The following ANKRD36 variants were observed in gnomAD, a reference collection of about 807,000 sequenced individuals.
ANKRD36 encodes the protein ankyrin repeat domain 36, also known as ankyrin repeat domain-containing protein 36A.
ANKRD36 carries 179 observed loss-of-function variants against 278.1 expected under a neutral mutation model. The observed-to-expected ratio is 0.64, with a 90% CI of 0.57 to 0.73. The LOEUF (loss-of-function observed/expected upper bound fraction) is 0.73, where lower values mean the gene tolerates loss of function less well. Ranked by LOEUF, ANKRD36 falls within the 30% of genes least tolerant of loss-of-function variation. The pLI is 0.00. For missense variants in ANKRD36, 1,159 were observed against 1,956.7 expected (o/e 0.59, Z 7.69); for synonymous variants, 320 against 641.1 (o/e 0.50, Z 7.57).
chr2:97,200,769 A>T (rs1262647184), intron 46 of ANKRD36, among the ~76,000 whole-genome samples: 5 of 151,902 alleles, frequency 3.3e-5, no homozygotes, highest in African/African-American at 1.2e-4. Flanking sequence ...AGTTGAAGAC[A>T]TAAGGGGCTC....
intron 52 of ANKRD36, 61 bp from the exon 53 acceptor site, chr2:97,207,750 A>G (rs1309542938): frequency 5.8e-6 from 9 of 1,541,968 alleles, no homozygotes; most frequent in Non-Finnish European, 7.9e-6. Context: ...CACTGTATGA[A>G]TGTATGGATA....
intron 60 of ANKRD36, among the ~76,000 whole-genome samples, chr2:97,214,300 TAA>T (rs201589738): frequency 0.9 from 28,171 of 31,330 alleles, 14,002 homozygotes; most frequent in Middle Eastern, 1. Context: ...ATATCAGACT[TAA>T]ACACGTTTTG....
At chr2:97,194,588 C>G in intron 38 of ANKRD36, 138 bp from the exon 39 acceptor site, 8 of 1,498,440 alleles carry the variant, frequency 5.3e-6, no homozygotes, top group Non-Finnish European at 7.2e-6. Context: ...GTTCTGGTCC[C>G]CAGACAGAAA....
rs545132548 is a variant in ANKRD36, at chr2:97,197,283, G to A, written c.2653+495G>A. Among the ~76,000 whole-genome samples, 7 of 152,024 alleles carry A rather than the reference G, an allele frequency of 4.6e-5. No homozygotes were observed. In the South Asian group the frequency reaches 8.4e-4, roughly 18 times the overall value. ...AAGGTGTGAAAAGAGGAAGTCATTT[G>A]TATAATTTTGGGGTTTCTGCTGAGG... On this transcript the variant is annotated intron_variant, in intron 42 of 75. Coordinates refer to ENST00000420699, the MANE Select transcript of ANKRD36 (RefSeq NM_001354587.1).
chr2:97,140,823 T>A (rs1306026884), intron 6 of ANKRD36, among the ~76,000 whole-genome samples: 1 of 151,910 alleles, frequency 6.6e-6, no homozygotes, highest in Non-Finnish European at 1.5e-5. Context: ...GTTATTAGAT[T>A]TATGAATGAA....
At chr2:97,223,519 G>GA (rs2068391838) in intron 66 of ANKRD36, among the ~76,000 whole-genome samples, 1 of 146,294 alleles carries the variant, frequency 6.8e-6, no homozygotes, top group South Asian at 2.4e-4. Context: ...ACCTAGGAAT[G>GA]AAAAAAATGA....
At chr2:97,158,514 C>T in intron 16 of ANKRD36, 74 bp from the exon 17 acceptor site, 1 of 1,483,242 alleles carries the variant, frequency 6.7e-7, no homozygotes, top group Non-Finnish European at 9.1e-7. Context: ...GCTGTGAGCC[C>T]CCACACCCGG....
At chr2:97,148,276 G>C (rs532530174) in intron 11 of ANKRD36, among the ~76,000 whole-genome samples, 4 of 152,368 alleles carry the variant, frequency 2.6e-5, no homozygotes, top group East Asian at 3.9e-4. Context: ...TGCTTGGGGT[G>C]GATGACTGAG....
Position 97,202,309 on chromosome 2 carries a change from A to T in ANKRD36, c.2887-12A>T. On this transcript the variant is annotated splice_polypyrimidine_tract_variant and intron_variant, in intron 47 of 75. Transcript: ENST00000420699. The stretch of plus-strand genomic sequence containing the variant: ...ATACTTTATTTATTATTTCGTTTTA[A>T]ATTCCATTCAGGGTACAAGTGACGA... The T allele has an allele frequency of 6.3e-7, 1 of 1,584,350 alleles. No homozygotes were observed. Among genetic ancestry groups the T allele is most frequent in the Non-Finnish European group, 8.6e-7 (1 of 1,169,530 alleles).
chr2:97,179,013 G>C (rs1575409925), intron 22 of ANKRD36, among the ~76,000 whole-genome samples: 1 of 151,522 alleles, frequency 6.6e-6, no homozygotes, highest in East Asian at 2.0e-4. Context: ...ACTTTATTTT[G>C]TATAAGTATG....
intron 22 of ANKRD36, among the ~76,000 whole-genome samples, chr2:97,173,332 A>G (rs1409377580): frequency 8.9e-3 from 1,155 of 130,036 alleles, no homozygotes; most frequent in East Asian, 0.017. Context: ...TGCTGAGCCT[A>G]TGATAATAAC....
chr2:97,243,129 GC>G, intron 69 of ANKRD36, among the ~76,000 whole-genome samples: 1 of 139,958 alleles, frequency 7.1e-6, no homozygotes, highest in Non-Finnish European at 1.6e-5. Flanking sequence ...AGTGACCGTG[GC>G]CCCCGACACA....
At chr2:97,220,755 A>ATTTTTTTTTT (rs2067293260) in intron 66 of ANKRD36, among the ~76,000 whole-genome samples, 2 of 66,912 alleles carry the variant, frequency 3.0e-5, no homozygotes, top group African/African-American at 1.9e-4. Context: ...TTTAATTTTT[A>ATTTTTTTTTT]ATTTTCTTTT....
chr2:97,219,557 C>T (rs1474554354), intron 66 of ANKRD36, among the ~76,000 whole-genome samples: 18 of 149,732 alleles, frequency 1.2e-4, no homozygotes, highest in African/African-American at 3.7e-4. Flanking sequence ...TTGTAACTCA[C>T]GACAACCTCC....
intron 22 of ANKRD36, among the ~76,000 whole-genome samples, chr2:97,177,878 G>C (rs1196415517): frequency 6.6e-6 from 1 of 151,686 alleles, no homozygotes. Flanking sequence ...ACTACCATCA[G>C]AGTGAACAGG....
At chr2:97,233,052 A>G (rs1416689773) in intron 67 of ANKRD36, among the ~76,000 whole-genome samples, 1 of 151,828 alleles carries the variant, frequency 6.6e-6, no homozygotes. Flanking sequence ...TGTTACAAAC[A>G]GTACAAAACC....
chr2:97,201,525 T>G (rs2061373288), intron 46 of ANKRD36, among the ~76,000 whole-genome samples: 1 of 151,938 alleles, frequency 6.6e-6, no homozygotes, highest in Non-Finnish European at 1.5e-5. Context: ...TTGAGGCTAA[T>G]ATATTATCCT....
At chr2:97,171,674 A>G (rs2052570783) in intron 22 of ANKRD36, among the ~76,000 whole-genome samples, 1 of 149,458 alleles carries the variant, frequency 6.7e-6, no homozygotes, top group South Asian at 2.2e-4. Flanking sequence ...CACAATGTGC[A>G]CATGTACCCT....
At chr2:97,146,884 A>G (rs1475858952) in intron 11 of ANKRD36, among the ~76,000 whole-genome samples, 1 of 151,908 alleles carries the variant, frequency 6.6e-6, no homozygotes, top group African/African-American at 2.4e-5. Context: ...AGATCAATTC[A>G]GAAAGTCACA....
Sources: gnomAD v4.1 joint callset for allele counts (sites outside exome capture counted in the v4.1 genomes callset) on GRCh38, gnomAD v4.1.1 for gene constraint, MANE v1.5 for transcripts, NCBI Gene and HGNC (gene_info 2026-07-23, HGNC 2026-07-21) for gene names.